RPL26L1: variants seen among roughly 807,000 people sequenced by gnomAD.
The protein encoded by RPL26L1 is ribosomal protein L26 like 1.
RPL26L1 carries 8 observed loss-of-function variants against 15.2 expected under a neutral mutation model. The observed-to-expected ratio is 0.53, with a 90% CI of 0.31 to 0.95. RPL26L1 has a LOEUF of 0.95. Among genes scored for constraint, RPL26L1 ranks in the 40% least tolerant of loss-of-function variants. The probability of loss-of-function intolerance (pLI) is 0.05; values close to 1 mark genes in which losing one functional copy is unlikely to be tolerated. For missense variants in RPL26L1, 146 were observed against 190.9 expected (o/e 0.76, Z 1.39); for synonymous variants, 51 against 65.9 (o/e 0.77, Z 1.09).
Position 172,968,544 on chromosome 5 carries a change from T to A in RPL26L1, c.254T>A (p.Val85Glu). ...RKKYVIYIER[V>E]QREKANGTTV... ...AAATATGTCATCTACATCGAGCGGG[T>A]GCAGCGTGAGAAGGCCAACGGCACA... The change falls in exon 3 of 4, where the codon GTG becomes GAG. Residue 85 changes from valine (V) to glutamate (E), a missense_variant. Transcript: ENST00000265100. 6.2e-7 allele frequency: 1 copy of A among 1,614,100 alleles called. No individual in the cohort carries two copies. The highest frequency in any genetic ancestry group is 8.5e-7 in the Non-Finnish European group (1 of 1,180,016).
At chr5:172,964,339 G>A (rs939956158) in intron 2 of RPL26L1, among the ~76,000 whole-genome samples, 2 of 136,372 alleles carry the variant, frequency 1.5e-5, no homozygotes, top group African/African-American at 5.4e-5. Context: ...AGGCTGGAGT[G>A]CAGTGGCACA....
At chr5:172,966,192 G>A (rs1016261096) in intron 2 of RPL26L1, among the ~76,000 whole-genome samples, 1 of 151,832 alleles carries the variant, frequency 6.6e-6, no homozygotes, top group African/African-American at 2.4e-5. Context: ...CACCCAGGCT[G>A]GAGTACAGTG....
chr5:172,960,203 C>T (rs536170299), intron 2 of RPL26L1, among the ~76,000 whole-genome samples, 162 bp downstream of exon 2: 2 of 152,292 alleles, frequency 1.3e-5, no homozygotes, highest in South Asian at 4.1e-4. Context: ...AGAGTGCCTG[C>T]GTTGCTTTAG....
chr5:172,963,900 A>G (rs1223913242), intron 2 of RPL26L1, among the ~76,000 whole-genome samples: 5 of 152,164 alleles, frequency 3.3e-5, no homozygotes, highest in Admixed American at 6.6e-5. Flanking sequence ...CTATGTACTC[A>G]TTAACTGCTT....
At chr5:172,958,480 G>C (rs998052525), upstream of RPL26L1, 37 of 455,516 alleles carry the variant, frequency 8.1e-5, no homozygotes, top group Admixed American at 4.0e-4. Flanking sequence ...TGAACGAAAG[G>C]GAGAGTTGGA....
chr5:172,955,606 T>G (rs1754944459), upstream of RPL26L1: 1 of 153,406 alleles, frequency 6.5e-6, no homozygotes, highest in Non-Finnish European at 1.5e-5. Context: ...TGGGGATGTG[T>G]GTGGACAAGA....
upstream of RPL26L1, among the ~76,000 whole-genome samples, chr5:172,954,578 AAAG>A (rs1307008820): frequency 1.3e-5 from 2 of 151,912 alleles, no homozygotes; most frequent in African/African-American, 4.8e-5. Flanking sequence ...CTGTCTCAAA[AAAG>A]AGAGAAAGAG....
chr5:172,968,434 G>C, intron 2 of RPL26L1, 25 bp from the exon 3 acceptor site: 3 of 1,610,886 alleles, frequency 1.9e-6, no homozygotes, highest in Non-Finnish European at 1.7e-6. Context: ...AATGGAGGGG[G>C]ATTCTCTTTT....
At chr5:172,965,844 A>G (rs1301845781) in intron 2 of RPL26L1, among the ~76,000 whole-genome samples, 2 of 152,224 alleles carry the variant, frequency 1.3e-5, no homozygotes, top group South Asian at 2.1e-4. Context: ...CCCAGTTGGC[A>G]TTCCAGCTGT....
At chr5:172,955,097 G>A (rs1561751607), upstream of RPL26L1, 1 of 445,526 alleles carries the variant, frequency 2.2e-6, no homozygotes, top group Non-Finnish European at 4.5e-6. Context: ...ATGGGGTGTG[G>A]CACTAGAGTT....
At chr5:172,956,173 G>C (rs1274146430), upstream of RPL26L1, 1 of 152,110 alleles carries the variant, frequency 6.6e-6, no homozygotes, top group African/African-American at 2.4e-5. Context: ...AAAAGTAAAA[G>C]GGGAAAAACG....
chr5:172,967,183 G>T (rs1292817241), intron 2 of RPL26L1, among the ~76,000 whole-genome samples: 3 of 151,524 alleles, frequency 2.0e-5, no homozygotes, highest in Admixed American at 2.0e-4. Context: ...AAGCTCTTGT[G>T]GCTGGGCATG....
At chr5:172,961,797 C>G (rs1755242608) in intron 2 of RPL26L1, among the ~76,000 whole-genome samples, 1 of 152,186 alleles carries the variant, frequency 6.6e-6, no homozygotes. Context: ...CTTTTATATC[C>G]CAGTCCAGAC....
intron 2 of RPL26L1, among the ~76,000 whole-genome samples, chr5:172,962,563 AT>A (rs1448118083): frequency 2.0e-5 from 3 of 151,832 alleles, no homozygotes; most frequent in African/African-American, 7.3e-5. Flanking sequence ...CACGCCTGTA[AT>A]CCCAGCACTT....
chr5:172,966,619 G>A (rs756080323), intron 2 of RPL26L1, among the ~76,000 whole-genome samples: 35 of 114,802 alleles, frequency 3.0e-4, no homozygotes, highest in Admixed American at 1.2e-3. Context: ...GTGTATGTGT[G>A]TATTTCTTCA....
At chr5:172,959,545 A>T in intron 1 of RPL26L1, 77 bp downstream of exon 1, 2 of 1,132,670 alleles carry the variant, frequency 1.8e-6, no homozygotes, top group Non-Finnish European at 2.2e-6. Context: ...TCGCGGGAAC[A>T]CATGTCACCC....
chr5:172,955,129 G>GTTT (rs58150544), upstream of RPL26L1: 433 of 227,758 alleles, frequency 1.9e-3, no homozygotes, highest in South Asian at 2.3e-3. Context: ...GCTGTGGTTA[G>GTTT]TTTTTTTTTT....
rs202050736 is a variant in RPL26L1 at position 172,969,573 on chromosome 5, G to A, written c.*32G>A. 3.1e-5 allele frequency: 49 copies of A among 1,591,370 alleles called. 1 individual carries two copies. The highest frequency in any genetic ancestry group is 2.1e-4 in the South Asian group (19 of 89,044). On this transcript the variant is annotated 3_prime_UTR_variant, in exon 4 of 4. Coordinates refer to ENST00000265100, the MANE Select transcript of RPL26L1 (RefSeq NM_016093.4). ...CCTGTTGTGCAACCACGGTTTAACCGGAGATTTTGAGGCTAGGGTGTGTTT... is the reference window on the plus strand; with the variant it reads ...CCTGTTGTGCAACCACGGTTTAACCAGAGATTTTGAGGCTAGGGTGTGTTT...
chr5:172,965,068 C>T (rs1470076144), intron 2 of RPL26L1, among the ~76,000 whole-genome samples: 1 of 152,178 alleles, frequency 6.6e-6, no homozygotes, highest in Non-Finnish European at 1.5e-5. Context: ...CCTGTAATCC[C>T]AGCTACAAGG....
Sources: gnomAD v4.1 joint callset for allele counts (sites outside exome capture counted in the v4.1 genomes callset) on GRCh38, gnomAD v4.1.1 for gene constraint, MANE v1.5 for transcripts, NCBI Gene and HGNC (gene_info 2026-07-23, HGNC 2026-07-21) for gene names.